NAV2: variants seen among roughly 807,000 people sequenced by gnomAD.
The protein encoded by NAV2 is neuron navigator 2.
Under a neutral mutation model 223.2 loss-of-function variants are expected in NAV2, and 54 were observed. That is an observed-to-expected ratio of 0.24 (90% CI 0.19 to 0.30). The LOEUF (loss-of-function observed/expected upper bound fraction) is 0.30, where lower values mean the gene tolerates loss of function less well. Among genes scored for constraint, NAV2 ranks in the 10% least tolerant of loss-of-function variants. NAV2 has a pLI of 1.00. For synonymous variants in NAV2, 1,279 were observed against 1,239.3 expected, an observed-to-expected ratio of 1.03 and a Z score of -0.67; for missense variants, 2,806 against 3,147.5, an observed-to-expected ratio of 0.89 and a Z score of 2.60.
intron 11 of NAV2, among the ~76,000 whole-genome samples, chr11:20,024,274 G>A (rs924997125): frequency 3.3e-5 from 5 of 152,194 alleles, no homozygotes; most frequent in African/African-American, 9.7e-5. Flanking sequence ...TTTGGCAGTA[G>A]GACCTAGCTG....
At chr11:19,636,661 G>T (rs959809625) in intron 1 of NAV2, among the ~76,000 whole-genome samples, 2 of 152,044 alleles carry the variant, frequency 1.3e-5, no homozygotes, top group South Asian at 4.2e-4. Context: ...TAGTAGAGAC[G>T]GGGTTTCACC....
At chr11:19,350,085 CTGATGATGA>C (rs3077390), upstream of NAV2, among the ~76,000 whole-genome samples, 4 of 149,740 alleles carry the variant, frequency 2.7e-5, no homozygotes, top group South Asian at 6.5e-4. Flanking sequence ...CCTTATTCCT[CTGATGATGA>C]TGATGATGAT....
chr11:19,779,497 G>A (rs576711218), intron 1 of NAV2, among the ~76,000 whole-genome samples: 1 of 152,342 alleles, frequency 6.6e-6, no homozygotes, highest in South Asian at 2.1e-4. Flanking sequence ...TATTTGTTGT[G>A]TGTTTTGTGC....
Position 19,360,976 on chromosome 11 carries a change from A to G in NAV2, c.75+9949A>G, listed in dbSNP as rs114485543. On this transcript the variant is annotated intron_variant, in intron 1 of 37. Coordinates refer to the NAV2 transcript ENST00000360655. ...TTGACAATGGAAAACAGGAAGCATA[A>G]TGATGAGGTGGAAAAAACTGTGACA... is the stretch of plus-strand genomic sequence containing the variant. Among the ~76,000 whole-genome samples, 546 of 152,254 alleles carry G rather than the reference A, an allele frequency of 3.6e-3. 5 individuals are homozygous for G. The highest frequency in any genetic ancestry group is 0.012 in the African/African-American group (516 of 41,564).
At chr11:19,468,346 G>T (rs553288310) in intron 1 of NAV2, among the ~76,000 whole-genome samples, 1 of 152,340 alleles carries the variant, frequency 6.6e-6, no homozygotes, top group South Asian at 2.1e-4. Flanking sequence ...GGTGCTAGAA[G>T]TCCAAAATCT....
rs371006270 is a variant in NAV2, at chr11:19,736,408, C to T, written c.267+22446C>T. Reference sequence around the variant, plus strand: ...ACAGGACATGGATTATGAGATCCTCCTTGGCAGTCCCAGGTTCTGGAGCTT... The same window carrying T: ...ACAGGACATGGATTATGAGATCCTCTTTGGCAGTCCCAGGTTCTGGAGCTT... On this transcript the variant is annotated intron_variant, in intron 1 of 37. Coordinates refer to ENST00000349880, the MANE Select transcript of NAV2 (RefSeq NM_145117.5). Among the ~76,000 whole-genome samples, 4 of 152,254 alleles carry T rather than the reference C, an allele frequency of 2.6e-5. No individual in the cohort carries two copies. In the East Asian group the frequency reaches 5.8e-4, roughly 22 times the overall value.
chr11:19,755,771 T>C (rs2054182813), intron 1 of NAV2, among the ~76,000 whole-genome samples: 2 of 152,182 alleles, frequency 1.3e-5, no homozygotes, highest in Non-Finnish European at 2.9e-5. Context: ...AAACTCCTAT[T>C]ATTCTCAGTA....
chr11:19,548,712 CAA>C (rs35021346), intron 1 of NAV2, among the ~76,000 whole-genome samples: 15 of 126,986 alleles, frequency 1.2e-4, no homozygotes, highest in African/African-American at 2.7e-4. Context: ...ACTAAAGATA[CAA>C]AAAAAAAAAA....
chr11:19,820,190 T>C (rs1008157114), intron 1 of NAV2, among the ~76,000 whole-genome samples: 1 of 152,220 alleles, frequency 6.6e-6, no homozygotes, highest in Non-Finnish European at 1.5e-5. Context: ...CACTTAGGTG[T>C]GGCTGCCCTG....
intron 11 of NAV2, among the ~76,000 whole-genome samples, chr11:20,007,288 A>G (rs2153501432): frequency 6.6e-6 from 1 of 152,040 alleles, no homozygotes; most frequent in East Asian, 1.9e-4. Flanking sequence ...TAAGGACTCC[A>G]TAGGACTTTC....
chr11:19,731,566 A>G (rs532305489), intron 1 of NAV2, among the ~76,000 whole-genome samples: 1 of 152,040 alleles, frequency 6.6e-6, no homozygotes, highest in Non-Finnish European at 1.5e-5. Flanking sequence ...TGTTGGGGGG[A>G]TAGTTATTGA....
At chr11:19,797,070 A>T (rs1387049855) in intron 1 of NAV2, among the ~76,000 whole-genome samples, 1 of 152,172 alleles carries the variant, frequency 6.6e-6, no homozygotes, top group South Asian at 2.1e-4. Context: ...CTGGCCCCCC[A>T]CACGGGTTTG....
intron 6 of NAV2, among the ~76,000 whole-genome samples, chr11:19,895,856 G>A (rs2041933194): frequency 6.6e-6 from 1 of 151,930 alleles, no homozygotes; most frequent in Non-Finnish European, 1.5e-5. Context: ...AGCTCCTGAG[G>A]TAGCCAGCCC....
At chr11:20,027,342 C>T (rs1005305512) in intron 11 of NAV2, 5 of 985,494 alleles carry the variant, frequency 5.1e-6, no homozygotes, top group Middle Eastern at 5.2e-4. Flanking sequence ...TGAACAATAG[C>T]CAGAAAACGA....
intron 6 of NAV2, among the ~76,000 whole-genome samples, chr11:19,926,873 G>A (rs539260625): frequency 8.5e-5 from 13 of 152,250 alleles, no homozygotes; most frequent in Non-Finnish European, 1.8e-4. Flanking sequence ...CTCCCTGAGT[G>A]CCTGTTGGCA....
intron 1 of NAV2, among the ~76,000 whole-genome samples, chr11:19,466,078 G>A (rs571885311): frequency 3.9e-5 from 6 of 152,292 alleles, no homozygotes; most frequent in South Asian, 2.1e-4. Flanking sequence ...TTGTTTCCAC[G>A]AGAAGAGTGA....
intron 1 of NAV2, among the ~76,000 whole-genome samples, chr11:19,550,746 G>A (rs1007463929): frequency 3.9e-5 from 6 of 152,154 alleles, no homozygotes; most frequent in African/African-American, 7.2e-5. Flanking sequence ...GATGGGGCTC[G>A]GACACTGGAC....
chr11:20,057,694 C>A lies in NAV2; in HGVS notation c.4831+1737C>A, dbSNP rs550893597. ...TCCCGCACTGTATTCCTCTTCTCTG[C>A]CATGTGTCTTCCTGAGTGAACCACG... is the stretch of plus-strand genomic sequence containing the variant. On this transcript the variant is annotated intron_variant, in intron 19 of 37. Coordinates refer to ENST00000349880, the MANE Select transcript of NAV2 (RefSeq NM_145117.5). 3.3e-5 allele frequency among the ~76,000 whole-genome samples: 5 copies of A among 152,286 alleles called. No homozygotes were observed. In the South Asian group the frequency reaches 1.0e-3, roughly 32 times the overall value.
intron 1 of NAV2, among the ~76,000 whole-genome samples, chr11:19,565,295 C>T (rs1418278938): frequency 1.3e-5 from 2 of 152,204 alleles, no homozygotes; most frequent in Non-Finnish European, 2.9e-5. Context: ...CTTCCTACTC[C>T]GCACTGCCTC....
Sources: gnomAD v4.1 joint callset for allele counts (sites outside exome capture counted in the v4.1 genomes callset) on GRCh38, gnomAD v4.1.1 for gene constraint, MANE v1.5 for transcripts, NCBI Gene and HGNC (gene_info 2026-07-23, HGNC 2026-07-21) for gene names.